The following CUX1 variants were observed in gnomAD, a reference collection of about 807,000 sequenced individuals.
The protein encoded by CUX1 is protein CASP.
Under a neutral mutation model 158.8 loss-of-function variants are expected in CUX1, and 31 were observed. The observed-to-expected ratio is 0.20, with a 90% confidence interval of 0.15 to 0.26. The LOEUF (loss-of-function observed/expected upper bound fraction) is 0.26, where lower values mean the gene tolerates loss of function less well. Among genes scored for constraint, CUX1 ranks in the 10% least tolerant of loss-of-function variants. CUX1 has a pLI of 1.00. For missense variants in CUX1, 1,589 were observed against 2,014.6 expected, an observed-to-expected ratio of 0.79 and a Z score of 4.04; for synonymous variants, 879 against 862.1, an observed-to-expected ratio of 1.02 and a Z score of -0.34.
At chr7:102,127,158 A>G (rs372507741) in intron 8 of CUX1, among the ~76,000 whole-genome samples, 4 of 150,900 alleles carry the variant, frequency 2.7e-5, no homozygotes, top group Admixed American at 1.3e-4. Context: ...CAGGCCACAG[A>G]TGTGGCCAAG....
At chr7:102,185,116 G>C (rs781925491) in intron 11 of CUX1, among the ~76,000 whole-genome samples, 10 of 152,168 alleles carry the variant, frequency 6.6e-5, no homozygotes, top group Non-Finnish European at 1.3e-4. Flanking sequence ...GAGATCCGCA[G>C]ACCTTCACGA....
chr7:101,827,973 GTTTTTTT>G (rs112801049), intron 1 of CUX1, among the ~76,000 whole-genome samples: 2 of 98,702 alleles, frequency 2.0e-5, no homozygotes, highest in South Asian at 3.3e-4. Context: ...GGTATAACTT[GTTTTTTT>G]TTTTTTTTTT....
intron 2 of CUX1, among the ~76,000 whole-genome samples, chr7:101,958,544 A>G (rs1363533940): frequency 1.5e-5 from 2 of 137,588 alleles, no homozygotes; most frequent in Non-Finnish European, 3.0e-5. Context: ...GCAGTGACAC[A>G]GTCTCAGCTC....
rs1815800721 is a variant in CUX1, at chr7:101,995,889, G to A, written c.142-32209G>A. On this transcript the variant is annotated intron_variant, in intron 2 of 23. Coordinates refer to ENST00000292535, the MANE Select transcript of CUX1 (RefSeq NM_181552.4). ...GCACTTAGGGAGGCCGAGGTGGGTG[G>A]ATCACCTGAGGTCAGGGGTCCAAGA... 2.0e-5 allele frequency among the ~76,000 whole-genome samples: 3 copies of A among 152,178 alleles called. No individual in the cohort carries two copies. In the South Asian group the frequency reaches 6.2e-4, roughly 32 times the overall value.
chr7:101,971,196 C>T (rs1811906155), intron 2 of CUX1, among the ~76,000 whole-genome samples: 1 of 152,216 alleles, frequency 6.6e-6, no homozygotes, highest in African/African-American at 2.4e-5. Context: ...CGGTGTGACC[C>T]TACAGCCATG....
chr7:102,106,704 C>G (rs1480768100), intron 6 of CUX1, among the ~76,000 whole-genome samples: 4 of 152,160 alleles, frequency 2.6e-5, no homozygotes, highest in Non-Finnish European at 4.4e-5. Flanking sequence ...TCCTCAGCTG[C>G]TACTGGCAGC....
At position 102,256,895 on chromosome 7, in the gene CUX1, T is replaced by A. The variant is rs952664288; in HGVS notation, c.*7853T>A. The A allele has an allele frequency of 2.0e-6, 2 of 985,388 alleles. No individual in the cohort carries two copies. Among genetic ancestry groups the A allele is most frequent in the Middle Eastern group, 5.2e-4 (1 of 1,936 alleles). 61.0% of individuals were successfully genotyped at this position (985,388 alleles called of 1,614,324 possible). The stretch of plus-strand genomic sequence containing the variant: ...GTTGTTGTTTTTCTTGCGTACAAAG[T>A]TGGTCAAAACCATCTTTCAAAGCAA... On this transcript the variant is annotated 3_prime_UTR_variant, in exon 24 of 24. Transcript: ENST00000292535.
In CUX1 at chr7:102,252,323, T is replaced by TC. The variant is rs1469889952; in HGVS notation, c.*3285dup. On this transcript the variant is annotated 3_prime_UTR_variant, in exon 24 of 24. Transcript: ENST00000292535. ...CAGTATTCAAGTGCCTTGAACAGTG[T>TC]CCCCTCGGCATGGCTCCCCTTCAGC... 1.0e-5 allele frequency: 10 copies of TC among 985,272 alleles called. No individual in the cohort carries two copies. In the African/African-American group the frequency reaches 1.6e-4, roughly 16 times the overall value. The allele number at this position is 985,272 out of a possible 1,614,324, so 61.0% of individuals were successfully genotyped here.
rs375255735 is a variant in CUX1 at position 102,102,296 on chromosome 7, C to T, written c.407-2040C>T. 1.6e-4 allele frequency among the ~76,000 whole-genome samples: 24 copies of T among 151,762 alleles called. 1 individual carries two copies. The East Asian group carries it at 2.1e-3, about 14-fold the overall frequency. On this transcript the variant is annotated intron_variant, in intron 5 of 23. Coordinates refer to ENST00000292535, the MANE Select transcript of CUX1 (RefSeq NM_181552.4). Reference sequence around the variant, plus strand: ...ACAAAAATTAGCCAGGTGTGGTGCGCGCCTGTAATCTCAGCTACTCGGGAG... The same window carrying T: ...ACAAAAATTAGCCAGGTGTGGTGCGTGCCTGTAATCTCAGCTACTCGGGAG...
At chr7:102,108,156 G>A (rs529129922) in intron 6 of CUX1, among the ~76,000 whole-genome samples, 10 of 152,284 alleles carry the variant, frequency 6.6e-5, no homozygotes, top group African/African-American at 1.2e-4. Context: ...TTATGTCACC[G>A]TTAAAATATT....
At chr7:102,280,380 C>T (rs980721264) in intron 19 of CUX1, among the ~76,000 whole-genome samples, 3 of 152,184 alleles carry the variant, frequency 2.0e-5, no homozygotes, top group Non-Finnish European at 4.4e-5. Flanking sequence ...GAACACCTGC[C>T]GAGGACTACC....
intron 2 of CUX1, among the ~76,000 whole-genome samples, chr7:101,967,694 A>T (rs1284022528): frequency 1.3e-5 from 2 of 152,222 alleles, no homozygotes; most frequent in Non-Finnish European, 2.9e-5. Context: ...TGTTGTGTGC[A>T]CCACACTTTC....
Position 102,273,216 on chromosome 7 carries a change from G to A in CUX1, c.1256-150G>A, listed in dbSNP as rs1791355462. On this transcript the variant is annotated intron_variant, in intron 14 of 22. Coordinates refer to the CUX1 transcript ENST00000292538. ...CCCTAGGTCTAATGGGGTCTTCTAGGCAGTGGTGAGTTGGGAGGGAATAGC... is the reference window on the plus strand; with the variant it reads ...CCCTAGGTCTAATGGGGTCTTCTAGACAGTGGTGAGTTGGGAGGGAATAGC... 4.6e-6 allele frequency: 5 copies of A among 1,081,896 alleles called. No homozygotes were observed. In the East Asian group the frequency reaches 1.3e-4, roughly 28 times the overall value. 67.0% of individuals were successfully genotyped at this position (1,081,896 alleles called of 1,614,324 possible). A position where few individuals can be genotyped will look rare whatever the true frequency, so the allele number is the denominator to read the frequency against.
intron 10 of CUX1, among the ~76,000 whole-genome samples, chr7:102,170,804 G>A (rs11761501): frequency 0.11 from 15,969 of 151,248 alleles, 1,072 homozygotes; most frequent in Admixed American, 0.16. Flanking sequence ...TGGAGGCTAC[G>A]CAGGCACAGT....
intron 1 of CUX1, among the ~76,000 whole-genome samples, chr7:101,864,360 C>T (rs1797747927): frequency 1.3e-5 from 2 of 151,974 alleles, no homozygotes; most frequent in Non-Finnish European, 2.9e-5. Flanking sequence ...TGGCGTCTTG[C>T]TGTGTTGCCC....
chr7:101,941,053 C>T (rs1187630067), intron 2 of CUX1, among the ~76,000 whole-genome samples: 2 of 152,176 alleles, frequency 1.3e-5, no homozygotes, highest in Non-Finnish European at 2.9e-5. Context: ...GGCAGGGAGC[C>T]GGGCTTCCTT....
chr7:102,140,553 G>GT (rs1193830195), intron 8 of CUX1, among the ~76,000 whole-genome samples: 1 of 151,162 alleles, frequency 6.6e-6, no homozygotes, highest in East Asian at 2.0e-4. Context: ...GCCTCTATGT[G>GT]TTTTTTTTAT....
chr7:101,968,242 A>C (rs953123826), intron 2 of CUX1, among the ~76,000 whole-genome samples: 1 of 152,122 alleles, frequency 6.6e-6, no homozygotes, highest in Non-Finnish European at 1.5e-5. Context: ...AAATCTTCAC[A>C]TAAAAGTTAA....
chr7:101,855,750 C>T (rs924881964), intron 1 of CUX1, among the ~76,000 whole-genome samples: 2 of 151,850 alleles, frequency 1.3e-5, no homozygotes, highest in African/African-American at 2.4e-5. Flanking sequence ...CAGTGGCAGA[C>T]GCCTGTAATC....
Sources: allele counts gnomAD v4.1 joint callset (sites outside exome capture counted in the v4.1 genomes callset), GRCh38; gene constraint gnomAD v4.1.1; transcripts MANE v1.5; gene names NCBI Gene and HGNC (gene_info 2026-07-23, HGNC 2026-07-21).